The following GLI3 variants were observed in gnomAD, a reference collection of about 807,000 sequenced individuals.
GLI3 encodes the protein transcription activator GLI3.
Under a neutral mutation model 100.8 loss-of-function variants are expected in GLI3, and 20 were observed. The observed-to-expected ratio is 0.20, with a 90% CI of 0.14 to 0.29. The LOEUF (loss-of-function observed/expected upper bound fraction) is 0.29, where lower values mean the gene tolerates loss of function less well. Among genes scored for constraint, GLI3 ranks in the 10% least tolerant of loss-of-function variants. The pLI, the probability that GLI3 is intolerant of heterozygous loss-of-function variation, is 1.00. For synonymous variants in GLI3, 938 were observed against 860.5 expected (o/e 1.09, Z -1.58); for missense variants, 2,040 against 2,128.5 (o/e 0.96, Z 0.82).
chr7:42,136,563 A>G (rs773578861), intron 3 of GLI3, among the ~76,000 whole-genome samples: 7 of 152,160 alleles, frequency 4.6e-5, no homozygotes, highest in Non-Finnish European at 7.4e-5. Context: ...TACAGAGAGG[A>G]CCACAGGCTT....
At chr7:42,154,864 C>T (rs181450834) in intron 2 of GLI3, among the ~76,000 whole-genome samples, 1 of 152,296 alleles carries the variant, frequency 6.6e-6, no homozygotes, top group East Asian at 1.9e-4. Flanking sequence ...ATTTCCAATA[C>T]CCTCGGGGTC....
intron 3 of GLI3, among the ~76,000 whole-genome samples, chr7:42,133,149 C>CA (rs1254688271): frequency 6.6e-6 from 1 of 152,040 alleles, no homozygotes; most frequent in Admixed American, 6.6e-5. Context: ...AAAACTTATA[C>CA]AAAAACATTC....
intron 7 of GLI3, among the ~76,000 whole-genome samples, chr7:42,033,646 G>C (rs1293791150): frequency 1.3e-5 from 2 of 152,170 alleles, no homozygotes; most frequent in Non-Finnish European, 2.9e-5. Flanking sequence ...TGTGACTGTT[G>C]CACTAAGAGG....
At chr7:42,030,707 T>G (rs536408870) in intron 7 of GLI3, among the ~76,000 whole-genome samples, 3,557 of 151,830 alleles carry the variant, frequency 0.023, 45 homozygotes, top group African/African-American at 0.032. Flanking sequence ...TTTTTTTTTT[T>G]TTTGTTTTTT....
chr7:42,191,866 T>C (rs1787835155), intron 2 of GLI3, among the ~76,000 whole-genome samples: 1 of 152,046 alleles, frequency 6.6e-6, no homozygotes, highest in Admixed American at 6.6e-5. Flanking sequence ...GAACCAGTAG[T>C]AGGTTCTGGC....
chr7:41,980,437 A>G (rs1363415802), intron 10 of GLI3, among the ~76,000 whole-genome samples: 1 of 152,222 alleles, frequency 6.6e-6, no homozygotes, highest in Non-Finnish European at 1.5e-5. Flanking sequence ...CTTGGAAACC[A>G]AGCTCACATC....
intron 1 of GLI3, among the ~76,000 whole-genome samples, chr7:42,262,063 T>C (rs1789147862): frequency 6.6e-6 from 1 of 151,104 alleles, no homozygotes; most frequent in Admixed American, 6.6e-5. Flanking sequence ...CTTTCCTCCC[T>C]CTCTCTCTCT....
At chr7:41,977,944 T>G (rs925147525) in intron 11 of GLI3, 1 of 582,650 alleles carries the variant, frequency 1.7e-6, no homozygotes, top group African/African-American at 1.9e-5. Flanking sequence ...TCCTGAAGTT[T>G]TTTTTTTTAA....
At chr7:42,166,486 A>C (rs564847998) in intron 2 of GLI3, among the ~76,000 whole-genome samples, 3 of 152,000 alleles carry the variant, frequency 2.0e-5, no homozygotes, top group Admixed American at 6.6e-5. Context: ...CAGAGGGAAT[A>C]ACACTGGAGC....
intron 3 of GLI3, among the ~76,000 whole-genome samples, chr7:42,078,721 T>C (rs1562717765): frequency 7.1e-6 from 1 of 141,158 alleles, no homozygotes. Flanking sequence ...TGATCATTTA[T>C]CACAGTTTTT....
chr7:42,184,745 G>A (rs2128684752), intron 2 of GLI3, among the ~76,000 whole-genome samples: 1 of 152,134 alleles, frequency 6.6e-6, no homozygotes, highest in South Asian at 2.1e-4. Context: ...CATTCCTGGG[G>A]CAGCCCTCAC....
At chr7:42,249,217 T>C (rs1238259265) in intron 1 of GLI3, among the ~76,000 whole-genome samples, 1 of 152,192 alleles carries the variant, frequency 6.6e-6, no homozygotes, top group Non-Finnish European at 1.5e-5. Context: ...AGTATCCACA[T>C]GAACTATTGC....
intron 3 of GLI3, among the ~76,000 whole-genome samples, chr7:42,115,200 G>A (rs1412324518): frequency 1.5e-5 from 2 of 132,538 alleles, no homozygotes; most frequent in Non-Finnish European, 3.1e-5. Context: ...GTGCAGTGGT[G>A]TGATCTCAGC....
chr7:42,020,299 T>C (rs769571323), intron 10 of GLI3, among the ~76,000 whole-genome samples: 17 of 152,334 alleles, frequency 1.1e-4, no homozygotes, highest in Non-Finnish European at 2.4e-4. Flanking sequence ...CAAATAACTC[T>C]GGAATTCCAA....
At chr7:42,203,780 T>C (rs113128036) in intron 2 of GLI3, among the ~76,000 whole-genome samples, 170 of 152,176 alleles carry the variant, frequency 1.1e-3, no homozygotes, top group African/African-American at 3.9e-3. Flanking sequence ...AGGCAGATCA[T>C]TTGAGACCAG....
rs2302024 is a variant in GLI3 at position 42,236,747 on chromosome 7, C to G, written c.-43+224G>C. 0.86 allele frequency among the ~76,000 whole-genome samples: 130,647 copies of G among 152,252 alleles called. 56,206 individuals carry two copies. The highest frequency in any genetic ancestry group is 0.94 in the Middle Eastern group (276 of 294). ...TTCTCCAATCCGTCTCCGGCCGGTC[C>G]GCGGGTCGGACTCTTCGGAAAGGAC... On this transcript the variant is annotated intron_variant, in intron 1 of 14. Transcript: ENST00000395925.
In GLI3 at chr7:41,961,663, G is replaced by C. The variant is rs773932894; in HGVS notation, c.*2667C>G. ...GTGACACTAGTGAGGCGGTCCTCTC[G>C]CTCTAAAATGCATAGGTTAGAGAAA... On this transcript the variant is annotated 3_prime_UTR_variant, in exon 15 of 15. Coordinates refer to ENST00000395925, the MANE Select transcript of GLI3 (RefSeq NM_000168.6). The C allele has an allele frequency of 6.6e-6, 1 of 152,090 alleles. No homozygotes were observed. The highest frequency in any genetic ancestry group is 2.4e-5 in the African/African-American group (1 of 41,418). The allele number at this position is 152,090 out of a possible 1,614,324, so 9.4% of individuals were successfully genotyped here.
intron 10 of GLI3, among the ~76,000 whole-genome samples, chr7:41,983,515 GTTTA>G (rs759859686): frequency 3.1e-4 from 47 of 152,276 alleles, no homozygotes; most frequent in Non-Finnish European, 5.3e-4. Flanking sequence ...ATGGGCACGA[GTTTA>G]TTTGTGGTTT....
chr7:41,976,610 G>T (rs764366249), intron 12 of GLI3, among the ~76,000 whole-genome samples: 9 of 152,186 alleles, frequency 5.9e-5, no homozygotes, highest in Non-Finnish European at 8.8e-5. Context: ...CCACTCCAGG[G>T]TCTCATGTGT....
Sources: gnomAD v4.1 joint callset for allele counts (sites outside exome capture counted in the v4.1 genomes callset) on GRCh38, gnomAD v4.1.1 for gene constraint, MANE v1.5 for transcripts, NCBI Gene and HGNC (gene_info 2026-07-23, HGNC 2026-07-21) for gene names.